Variants in PPM1L observed in about 807,000 individuals in gnomAD.
The protein encoded by PPM1L is protein phosphatase, Mg2+/Mn2+ dependent 1L.
PPM1L carries 13 observed loss-of-function variants against 31.4 expected under a neutral mutation model. The observed-to-expected ratio is 0.41, with a 90% CI of 0.27 to 0.66. The LOEUF is 0.66. Ranked by LOEUF, PPM1L falls within the 30% of genes least tolerant of loss-of-function variation. PPM1L has a pLI of 0.29. For synonymous variants in PPM1L, 184 were observed against 175.4 expected (o/e 1.05, Z -0.39); for missense variants, 326 against 453.7 (o/e 0.72, Z 2.56).
At chr3:160,945,161 A>T (rs1715367925) in intron 1 of PPM1L, among the ~76,000 whole-genome samples, 1 of 135,406 alleles carries the variant, frequency 7.4e-6, no homozygotes, top group Non-Finnish European at 1.6e-5. Flanking sequence ...ATCTCCACTG[A>T]TTTTGTTTTA....
intron 1 of PPM1L, among the ~76,000 whole-genome samples, chr3:160,904,715 TG>T (rs139265920): frequency 1.5e-5 from 2 of 133,406 alleles, no homozygotes; most frequent in Non-Finnish European, 3.3e-5. Context: ...CATTATATTA[TG>T]GGGGGAAGAG....
intron 2 of PPM1L, among the ~76,000 whole-genome samples, chr3:161,007,196 G>A (rs533681755): frequency 2.0e-5 from 3 of 152,320 alleles, no homozygotes; most frequent in Non-Finnish European, 4.4e-5. Flanking sequence ...TAAACATATA[G>A]TCTGTCTGAT....
intron 2 of PPM1L, among the ~76,000 whole-genome samples, chr3:160,964,808 T>C (rs1455470502): frequency 6.6e-6 from 1 of 151,966 alleles, no homozygotes; most frequent in Non-Finnish European, 1.5e-5. Flanking sequence ...AGTGAATGAG[T>C]GTTGCTGTGT....
intron 2 of PPM1L, among the ~76,000 whole-genome samples, chr3:161,044,310 G>A (rs1021637040): frequency 3.3e-5 from 5 of 151,854 alleles, no homozygotes; most frequent in Admixed American, 6.6e-5. Context: ...AAAGTGCTGG[G>A]GTTACAGACG....
chr3:160,788,540 A>C (rs1044564681), intron 1 of PPM1L, among the ~76,000 whole-genome samples: 2 of 111,742 alleles, frequency 1.8e-5, no homozygotes, highest in Non-Finnish European at 3.3e-5. Flanking sequence ...TGTTATTTGT[A>C]TTTTGATTTA....
chr3:160,956,738 A>G (rs1304831611), intron 1 of PPM1L, among the ~76,000 whole-genome samples: 1 of 152,268 alleles, frequency 6.6e-6, no homozygotes, highest in African/African-American at 2.4e-5. Flanking sequence ...GCATGAAAGA[A>G]AATTAAAGAC....
chr3:160,948,613 C>T (rs1212739369), intron 1 of PPM1L, among the ~76,000 whole-genome samples: 1 of 152,128 alleles, frequency 6.6e-6, no homozygotes, highest in Non-Finnish European at 1.5e-5. Flanking sequence ...GAAAGGATTC[C>T]AGGTGCTCCC....
chr3:161,012,096 C>A lies in PPM1L; in HGVS notation c.574+50186C>A, dbSNP rs528099951. ...AGAGAGGGCATCTCTGTCTTCTGCC[C>A]GTTTTCAAAGGGAATGCTTCCAGTT... On this transcript the variant is annotated intron_variant, in intron 2 of 3. Transcript: ENST00000498165. 3.9e-5 allele frequency among the ~76,000 whole-genome samples: 6 copies of A among 152,146 alleles called. No homozygotes were observed. The South Asian group carries it at 8.3e-4, about 21-fold the overall frequency.
intron 1 of PPM1L, among the ~76,000 whole-genome samples, chr3:160,944,457 C>A (rs746437386): frequency 6.6e-6 from 1 of 150,544 alleles, no homozygotes; most frequent in Non-Finnish European, 1.5e-5. Flanking sequence ...TGTATTTTTA[C>A]CCATCCATTT....
chr3:160,900,627 A>G (rs980270394), intron 1 of PPM1L, among the ~76,000 whole-genome samples: 3 of 152,030 alleles, frequency 2.0e-5, no homozygotes, highest in African/African-American at 7.2e-5. Flanking sequence ...TACTTTACCT[A>G]TACGTTTTGT....
intron 1 of PPM1L, among the ~76,000 whole-genome samples, chr3:160,819,744 T>C (rs1713136289): frequency 1.3e-5 from 2 of 151,978 alleles, no homozygotes; most frequent in Non-Finnish European, 2.9e-5. Flanking sequence ...CTCTATCTGC[T>C]AGCATGGATA....
intron 2 of PPM1L, among the ~76,000 whole-genome samples, chr3:160,982,274 TTAAGA>T (rs1224251689): frequency 6.6e-6 from 1 of 152,214 alleles, no homozygotes; most frequent in Admixed American, 6.5e-5. Context: ...CTCTAATTCA[TTAAGA>T]TATTTCCTTC....
intron 1 of PPM1L, among the ~76,000 whole-genome samples, chr3:160,880,090 C>A (rs918075167): frequency 1.8e-4 from 27 of 152,072 alleles, no homozygotes; most frequent in African/African-American, 6.5e-4. Context: ...GAGAGCATGC[C>A]CTTTTCTATA....
chr3:160,898,493 G>C (rs1239803508), intron 1 of PPM1L, among the ~76,000 whole-genome samples: 1 of 152,112 alleles, frequency 6.6e-6, no homozygotes, highest in Non-Finnish European at 1.5e-5. Flanking sequence ...TCATGAAAAG[G>C]ATTCCTAACA....
chr3:160,905,337 AC>A, intron 1 of PPM1L, among the ~76,000 whole-genome samples: 1 of 152,246 alleles, frequency 6.6e-6, no homozygotes, highest in East Asian at 1.9e-4. Context: ...TTATACTCTA[AC>A]CTGAATTTGT....
At chr3:160,841,222 G>T (rs1268889739) in intron 1 of PPM1L, among the ~76,000 whole-genome samples, 1 of 151,874 alleles carries the variant, frequency 6.6e-6, no homozygotes, top group African/African-American at 2.4e-5. Flanking sequence ...CTTCTTAAAA[G>T]GGAACTTCCC....
At chr3:160,783,337 C>T (rs1391201457) in intron 1 of PPM1L, among the ~76,000 whole-genome samples, 4 of 152,146 alleles carry the variant, frequency 2.6e-5, no homozygotes, top group Non-Finnish European at 5.9e-5. Context: ...CGGTGGCTCA[C>T]GCCTGTAATC....
intron 2 of PPM1L, among the ~76,000 whole-genome samples, chr3:161,012,691 T>C (rs1224241319): frequency 6.6e-6 from 1 of 152,154 alleles, no homozygotes; most frequent in Admixed American, 6.5e-5. Flanking sequence ...TGCCACAATT[T>C]CAGCTCCTGT....
intron 1 of PPM1L, among the ~76,000 whole-genome samples, chr3:160,799,889 T>C (rs548873006): frequency 9.9e-5 from 15 of 152,204 alleles, no homozygotes; most frequent in Non-Finnish European, 7.3e-5. Flanking sequence ...TATTGACCTA[T>C]TATTTATTTG....
Sources: gnomAD v4.1 joint callset for allele counts (sites outside exome capture counted in the v4.1 genomes callset) on GRCh38, gnomAD v4.1.1 for gene constraint, MANE v1.5 for transcripts, NCBI Gene and HGNC (gene_info 2026-07-23, HGNC 2026-07-21) for gene names.